TENM3: variants seen among roughly 807,000 people sequenced by gnomAD.
The protein encoded by TENM3 is teneurin transmembrane protein 3, also known as teneurin-3.
TENM3 carries 63 observed loss-of-function variants against 255.1 expected under a neutral mutation model. The ratio of observed to expected loss-of-function variants is 0.25; its 90% CI spans 0.20 to 0.30. The LOEUF (loss-of-function observed/expected upper bound fraction) is 0.30. TENM3 is among the 10% of genes least tolerant of loss of function. TENM3 has a pLI of 1.00. For missense variants in TENM3, 2,929 were observed against 3,461.1 expected (o/e 0.85, Z 3.86); for synonymous variants, 1,306 against 1,322.3 (o/e 0.99, Z 0.27).
At chr4:182,710,518 C>T (rs1297009105) in intron 12 of TENM3, among the ~76,000 whole-genome samples, 2 of 152,118 alleles carry the variant, frequency 1.3e-5, no homozygotes, top group South Asian at 2.1e-4. Context: ...GCCATTCAAA[C>T]GCCTCTAATA....
Position 182,753,616 on chromosome 4 carries a change from C to T in TENM3, c.4017+12C>T, listed in dbSNP as rs1762521398. 1 of 1,611,240 alleles carries T rather than the reference C, an allele frequency of 6.2e-7. No homozygotes were observed. Among genetic ancestry groups the T allele is most frequent in the Non-Finnish European group, 8.5e-7 (1 of 1,178,598 alleles). ...TGCACATCAGCCAGGTAGTTAAATA[C>T]TAAGCGGACTTGTTTGTTTTTCCTC... On this transcript the variant is annotated intron_variant, in intron 21 of 27. Coordinates refer to ENST00000511685, the MANE Select transcript of TENM3 (RefSeq NM_001080477.4).
chr4:182,714,997 G>T (rs1759042640), intron 13 of TENM3, among the ~76,000 whole-genome samples: 1 of 152,204 alleles, frequency 6.6e-6, no homozygotes. Flanking sequence ...TGATTCTCCT[G>T]CCTCAGCCTC....
the TENM3 span, among the ~76,000 whole-genome samples, chr4:181,855,641 T>C: frequency 6.4e-4 from 97 of 152,324 alleles, no homozygotes; most frequent in Non-Finnish European, 4.4e-5. Context: ...TTATTATTCT[T>C]CATGCTATGC....
intron 17 of TENM3, among the ~76,000 whole-genome samples, chr4:182,738,189 A>G (rs1033603893): frequency 4.6e-5 from 7 of 152,182 alleles, no homozygotes; most frequent in African/African-American, 7.2e-5. Flanking sequence ...CTCATTTTCT[A>G]TTAAATCAGT....
At chr4:182,310,126 T>G (rs540242629) in intron 1 of TENM3, among the ~76,000 whole-genome samples, 3 of 152,346 alleles carry the variant, frequency 2.0e-5, no homozygotes, top group Admixed American at 2.0e-4. Context: ...GTTCTCTGTC[T>G]CCTTCCCAGT....
the TENM3 span, among the ~76,000 whole-genome samples, chr4:181,754,319 C>CACAG: frequency 1.3e-5 from 2 of 151,446 alleles, no homozygotes; most frequent in African/African-American, 2.4e-5. Context: ...CACACACACA[C>CACAG]ACAGACAATC....
At chr4:181,694,599 A>T in the TENM3 span, among the ~76,000 whole-genome samples, 2 of 152,180 alleles carry the variant, frequency 1.3e-5, no homozygotes, top group African/African-American at 2.4e-5. Flanking sequence ...GTTATACAGG[A>T]CGAATATCAC....
chr4:182,476,367 GAAA>G (rs1733684228), intron 3 of TENM3, among the ~76,000 whole-genome samples: 1 of 152,148 alleles, frequency 6.6e-6, no homozygotes, highest in Non-Finnish European at 1.5e-5. Context: ...TTGGAGAGAA[GAAA>G]AACCTGATAG....
chr4:182,385,736 C>T (rs1561391629), intron 3 of TENM3, among the ~76,000 whole-genome samples: 1 of 152,084 alleles, frequency 6.6e-6, no homozygotes, highest in Non-Finnish European at 1.5e-5. Context: ...TTCTTTGCCT[C>T]TAAGATAAAT....
chr4:181,804,813 C>T, the TENM3 span, among the ~76,000 whole-genome samples: 2 of 152,208 alleles, frequency 1.3e-5, no homozygotes, highest in African/African-American at 4.8e-5. Context: ...AGTTTGATTC[C>T]ATCCTGGACA....
the TENM3 span, among the ~76,000 whole-genome samples, chr4:181,744,576 T>G: frequency 6.6e-6 from 1 of 152,260 alleles, no homozygotes. Flanking sequence ...TCCCTGGTTG[T>G]TAAACTCAAA....
intron 2 of TENM3, among the ~76,000 whole-genome samples, chr4:182,331,767 A>G (rs1748024325): frequency 6.6e-6 from 1 of 152,196 alleles, no homozygotes; most frequent in South Asian, 2.1e-4. Flanking sequence ...GATAAAAAGG[A>G]CCACTGGGTA....
rs796386902 is a variant in TENM3 at position 182,331,046 on chromosome 4, G to A, written c.232+6794G>A. ...AACATATATTTGAATATGAATGTCA[G>A]GAGTGGGAAGGTAATCATTAATACA... On this transcript the variant is annotated intron_variant, in intron 2 of 27. Coordinates refer to ENST00000511685, the MANE Select transcript of TENM3 (RefSeq NM_001080477.4). 3.3e-5 allele frequency among the ~76,000 whole-genome samples: 5 copies of A among 152,262 alleles called. No homozygotes were observed. The East Asian group carries it at 9.6e-4, about 29-fold the overall frequency.
the TENM3 span, among the ~76,000 whole-genome samples, chr4:181,721,883 A>AACACAACCC: frequency 6.6e-6 from 1 of 151,950 alleles, no homozygotes; most frequent in Non-Finnish European, 1.5e-5. Flanking sequence ...AGGATAGGAA[A>AACACAACCC]ACACAACCCA....
chr4:182,029,507 G>A, the TENM3 span, among the ~76,000 whole-genome samples: 1 of 151,186 alleles, frequency 6.6e-6, no homozygotes, highest in Non-Finnish European at 1.5e-5. Flanking sequence ...ATGTATGTGG[G>A]TCATCCAACG....
chr4:182,522,936 T>TC (rs752630065), intron 3 of TENM3, among the ~76,000 whole-genome samples: 7 of 152,188 alleles, frequency 4.6e-5, no homozygotes, highest in Non-Finnish European at 8.8e-5. Context: ...GCATTTCCCT[T>TC]CCTTCGCATC....
the TENM3 span, among the ~76,000 whole-genome samples, chr4:181,521,897 C>A: frequency 6.6e-6 from 1 of 151,884 alleles, no homozygotes; most frequent in Admixed American, 6.6e-5. Context: ...GAGATCGAGA[C>A]CATCCTGGCT....
chr4:182,647,508 C>G (rs916659251), intron 5 of TENM3, among the ~76,000 whole-genome samples: 3 of 152,246 alleles, frequency 2.0e-5, no homozygotes, highest in East Asian at 1.9e-4. Context: ...CTTCATTTAA[C>G]GTGAAGTCCT....
At chr4:182,419,063 C>G (rs1366887802) in intron 3 of TENM3, among the ~76,000 whole-genome samples, 1 of 152,134 alleles carries the variant, frequency 6.6e-6, no homozygotes, top group African/African-American at 2.4e-5. Flanking sequence ...CAAAGACATT[C>G]TATATATGAA....
Sources: gnomAD v4.1 joint callset for allele counts (sites outside exome capture counted in the v4.1 genomes callset) on GRCh38, gnomAD v4.1.1 for gene constraint, MANE v1.5 for transcripts, NCBI Gene and HGNC (gene_info 2026-07-23, HGNC 2026-07-21) for gene names.